The following MXI1 variants were observed in gnomAD, a reference collection of about 807,000 sequenced individuals.
MXI1 encodes max-interacting protein 1.
MXI1 carries 18 observed loss-of-function variants against 36.9 expected under a neutral mutation model. That is an observed-to-expected ratio of 0.49 (90% CI 0.34 to 0.72). MXI1 has a LOEUF of 0.72. Ranked by LOEUF, MXI1 falls within the 30% of genes least tolerant of loss-of-function variation. The pLI, the probability that MXI1 is intolerant of heterozygous loss-of-function variation, is 0.01. For synonymous variants in MXI1, 160 were observed against 146.7 expected (o/e 1.09, Z -0.65); for missense variants, 304 against 379.1 (o/e 0.80, Z 1.64).
At chr10:110,230,049 G>A (rs1310142089) in intron 2 of MXI1, among the ~76,000 whole-genome samples, 2 of 152,096 alleles carry the variant, frequency 1.3e-5, no homozygotes, top group Non-Finnish European at 2.9e-5. Flanking sequence ...TCCTTCTCCT[G>A]AACTTCTATG....
chr10:110,210,418 C>G (rs1854483031), intron 1 of MXI1: 3 of 433,322 alleles, frequency 6.9e-6, no homozygotes, highest in Non-Finnish European at 9.2e-6. Context: ...CTGTTTGGCT[C>G]TAAATGACGT....
chr10:110,277,957 G>A (rs1412455759), intron 3 of MXI1, among the ~76,000 whole-genome samples: 2 of 152,204 alleles, frequency 1.3e-5, no homozygotes, highest in Non-Finnish European at 1.5e-5. Context: ...ATAGTTTGGT[G>A]TGTGAATTAG....
chr10:110,247,923 T>C (rs1855931825), intron 3 of MXI1, among the ~76,000 whole-genome samples: 1 of 152,116 alleles, frequency 6.6e-6, no homozygotes, highest in Admixed American at 6.5e-5. Context: ...CTATTCACAA[T>C]AGCAAAGACT....
At chr10:110,232,085 C>T (rs1012320632) in intron 2 of MXI1, among the ~76,000 whole-genome samples, 12 of 152,092 alleles carry the variant, frequency 7.9e-5, no homozygotes, top group East Asian at 3.9e-4. Context: ...CTCAGCCTCC[C>T]GAGTAGCTAG....
chr10:110,224,132 A>G (rs1354703252), intron 1 of MXI1, among the ~76,000 whole-genome samples: 1 of 152,080 alleles, frequency 6.6e-6, no homozygotes, highest in Admixed American at 6.5e-5. Flanking sequence ...TCAAGATGGT[A>G]TTTTCTGCAG....
chr10:110,258,275 A>G (rs1437628486), intron 3 of MXI1, among the ~76,000 whole-genome samples: 1 of 152,178 alleles, frequency 6.6e-6, no homozygotes, highest in Non-Finnish European at 1.5e-5. Context: ...ACTTTTAATT[A>G]TTGCAAAAGT....
At chr10:110,257,117 TC>T (rs1856328800) in intron 3 of MXI1, 1 of 152,116 alleles carries the variant, frequency 6.6e-6, no homozygotes, top group Non-Finnish European at 1.5e-5. Context: ...TCTCTGGGTT[TC>T]TTAGAAAACA....
intron 3 of MXI1, among the ~76,000 whole-genome samples, chr10:110,247,899 T>C (rs961797070): frequency 3.3e-5 from 5 of 152,208 alleles, no homozygotes; most frequent in Non-Finnish European, 5.9e-5. Context: ...TGCACACGTA[T>C]GTTTATTGTG....
chr10:110,258,347 T>G (rs1222347748), intron 3 of MXI1, among the ~76,000 whole-genome samples: 1 of 152,190 alleles, frequency 6.6e-6, no homozygotes, highest in Non-Finnish European at 1.5e-5. Context: ...GTTGCAGGGC[T>G]GAATTATAGA....
At chr10:110,276,720 A>G (rs183771708) in intron 3 of MXI1, among the ~76,000 whole-genome samples, 55 of 152,302 alleles carry the variant, frequency 3.6e-4, no homozygotes, top group African/African-American at 1.2e-3. Flanking sequence ...AAATTTTAAT[A>G]TGTTAGTTAT....
rs754963291 is a variant in MXI1, at chr10:110,261,429, A to ATTTTTT, written c.437+16583_437+16588dup. On this transcript the variant is annotated intron_variant, in intron 3 of 5. Coordinates refer to ENST00000332674, the MANE Select transcript of MXI1 (RefSeq NM_130439.3). ...ATTTATCATAATGACTATTCAAACC[A>ATTTTTT]TTTTTTTTTTTTTTTTAACCCCTCC... Among the ~76,000 whole-genome samples, 4 of 141,234 alleles carry ATTTTTT rather than the reference A, an allele frequency of 2.8e-5. 1 individual carries two copies. Among genetic ancestry groups the ATTTTTT allele is most frequent in the Non-Finnish European group, 6.3e-5 (4 of 64,000 alleles). 92.7% of individuals were successfully genotyped at this position (141,234 alleles called of 152,430 possible). A position where few individuals can be genotyped will look rare whatever the true frequency, so the allele number is the denominator to read the frequency against.
chr10:110,226,333 G>C (rs778158048), intron 1 of MXI1: 28 of 1,445,914 alleles, frequency 1.9e-5, no homozygotes, highest in Non-Finnish European at 2.2e-5. Flanking sequence ...AATCTTTTTC[G>C]GCAGTGCGGT....
chr10:110,214,416 C>T (rs1311758767), intron 1 of MXI1, among the ~76,000 whole-genome samples: 1 of 152,046 alleles, frequency 6.6e-6, no homozygotes, highest in Non-Finnish European at 1.5e-5. Context: ...GAAACACCAC[C>T]CCCCTCCTGC....
intron 1 of MXI1, among the ~76,000 whole-genome samples, chr10:110,216,979 G>C (rs1382945077): frequency 6.6e-6 from 1 of 151,788 alleles, no homozygotes; most frequent in Admixed American, 6.6e-5. Flanking sequence ...ACAATCCTTT[G>C]TGTTTTTGTG....
intron 1 of MXI1, among the ~76,000 whole-genome samples, chr10:110,217,845 A>G (rs1379485591): frequency 6.6e-6 from 1 of 152,210 alleles, no homozygotes; most frequent in African/African-American, 2.4e-5. Flanking sequence ...AGCTGCTGAC[A>G]AGTGCAATGT....
At chr10:110,221,094 G>A (rs904615535) in intron 1 of MXI1, among the ~76,000 whole-genome samples, 2 of 152,226 alleles carry the variant, frequency 1.3e-5, no homozygotes, top group Non-Finnish European at 2.9e-5. Flanking sequence ...AGGAGTGAAG[G>A]AGTTGACTCT....
At chr10:110,263,952 T>A (rs1198318922) in intron 3 of MXI1, among the ~76,000 whole-genome samples, 1 of 152,196 alleles carries the variant, frequency 6.6e-6, no homozygotes, top group Non-Finnish European at 1.5e-5. Flanking sequence ...AGTTTAGAAT[T>A]AATAGCTTTA....
At chr10:110,227,616 A>C (rs2134354097) in intron 1 of MXI1, 209 of 832,982 alleles carry the variant, frequency 2.5e-4, no homozygotes, top group South Asian at 6.0e-4. Flanking sequence ...CCGGGAGAAC[A>C]CTGAGCGGGG....
intron 1 of MXI1, among the ~76,000 whole-genome samples, chr10:110,214,420 C>A (rs560643282): frequency 1.3e-5 from 2 of 152,072 alleles, no homozygotes; most frequent in African/African-American, 2.4e-5. Flanking sequence ...CACCACCCCC[C>A]TCCTGCTGCC....
Sources: allele counts gnomAD v4.1 joint callset (sites outside exome capture counted in the v4.1 genomes callset), GRCh38; gene constraint gnomAD v4.1.1; transcripts MANE v1.5; gene names NCBI Gene and HGNC (gene_info 2026-07-23, HGNC 2026-07-21).